The following SPOP variants were observed in gnomAD, a reference collection of about 807,000 sequenced individuals.
The protein encoded by SPOP is speckle-type POZ protein.
A neutral mutation model predicts 45.6 loss-of-function variants in SPOP; 11 were observed. The observed-to-expected ratio is 0.24, with a 90% CI of 0.15 to 0.40. The LOEUF (loss-of-function observed/expected upper bound fraction) is 0.40. Ranked by LOEUF, SPOP falls within the 10% of genes least tolerant of loss-of-function variation. The pLI, the probability that SPOP is intolerant of heterozygous loss-of-function variation, is 1.00. For synonymous variants in SPOP, 166 were observed against 166.3 expected (o/e 1.00, Z 0.01); for missense variants, 152 against 465.6 (o/e 0.33, Z 6.20).
At chr17:49,607,536 C>T (rs1163100654) in intron 7 of SPOP, among the ~76,000 whole-genome samples, 164 bp from the exon 8 acceptor site, 2 of 152,190 alleles carry the variant, frequency 1.3e-5, no homozygotes, top group Non-Finnish European at 2.9e-5. Context: ...ATAGCCTTTT[C>T]GTCCATCACA....
rs2072085598 is a variant in SPOP at position 49,616,325 on chromosome 17, T to C, written c.480+2656A>G. ...CCCTATGAAACAACTGTATTTATTG[T>C]ATCAGGATGAGAATGAGAAGTGCCT... On this transcript the variant is annotated intron_variant, in intron 5 of 9. Coordinates refer to ENST00000504102, the MANE Select transcript of SPOP (RefSeq NM_001007228.2). Among the ~76,000 whole-genome samples the C allele has an allele frequency of 2.0e-5, 3 of 152,268 alleles. No individual in the cohort carries two copies. The South Asian group carries it at 6.2e-4, about 32-fold the overall frequency.
chr17:49,608,001 G>A, intron 6 of SPOP, 72 bp from the exon 7 acceptor site: 3 of 1,424,694 alleles, frequency 2.1e-6, no homozygotes, highest in Non-Finnish European at 2.9e-6. Flanking sequence ...CAGTCATGAG[G>A]GAGAGATCAT....
At chr17:49,665,570 G>A (rs1433393445) in intron 1 of SPOP, among the ~76,000 whole-genome samples, 3 of 146,180 alleles carry the variant, frequency 2.1e-5, no homozygotes, top group Non-Finnish European at 3.0e-5. Context: ...AGCCGAGATC[G>A]CACCACTGTA....
intron 1 of SPOP, among the ~76,000 whole-genome samples, chr17:49,634,943 T>C (rs2072516166): frequency 6.6e-6 from 1 of 152,206 alleles, no homozygotes; most frequent in South Asian, 2.1e-4. Context: ...CATTAACTAT[T>C]ACTATCCAGC....
chr17:49,677,758 T>A (rs944935166), intron 1 of SPOP, among the ~76,000 whole-genome samples, 175 bp downstream of exon 1: 1 of 146,896 alleles, frequency 6.8e-6, no homozygotes, highest in Non-Finnish European at 1.5e-5. Flanking sequence ...GACGGCTGAT[T>A]CGGCTCTGGC....
intron 1 of SPOP, among the ~76,000 whole-genome samples, chr17:49,639,284 G>T (rs887989398): frequency 6.6e-6 from 1 of 151,930 alleles, no homozygotes; most frequent in Non-Finnish European, 1.5e-5. Context: ...GACAAAACTG[G>T]TAAGGGCTGA....
chr17:49,649,399 TGGC>T (rs1347123287), intron 1 of SPOP, among the ~76,000 whole-genome samples: 2 of 151,548 alleles, frequency 1.3e-5, no homozygotes, highest in African/African-American at 4.8e-5. Context: ...TAGCTGGGCG[TGGC>T]GGCGCATGCC....
intron 1 of SPOP, among the ~76,000 whole-genome samples, chr17:49,667,675 T>G (rs544010020): frequency 2.0e-5 from 3 of 152,306 alleles, no homozygotes; most frequent in Admixed American, 1.3e-4. Flanking sequence ...GTTCAGCCAC[T>G]ATGGAAAACA....
chr17:49,605,989 C>CA (rs564333269), intron 8 of SPOP, among the ~76,000 whole-genome samples: 2,453 of 136,036 alleles, frequency 0.018, 48 homozygotes, highest in East Asian at 0.1. Flanking sequence ...ACTCCCTTCT[C>CA]AAAAAAAAAA....
intron 1 of SPOP, among the ~76,000 whole-genome samples, chr17:49,674,683 T>C (rs2073178140): frequency 6.6e-6 from 1 of 152,210 alleles, no homozygotes; most frequent in Non-Finnish European, 1.5e-5. Flanking sequence ...GGATAAACAA[T>C]TTAAAGTCAG....
At chr17:49,609,227 AC>A (rs2071916417) in intron 6 of SPOP, among the ~76,000 whole-genome samples, 1 of 152,158 alleles carries the variant, frequency 6.6e-6, no homozygotes, top group South Asian at 2.1e-4. Context: ...CCATTTTCTA[AC>A]CACATATTCT....
chr17:49,616,245 C>CTT (rs1445917124), intron 5 of SPOP, among the ~76,000 whole-genome samples: 1 of 152,144 alleles, frequency 6.6e-6, no homozygotes, highest in African/African-American at 2.4e-5. Context: ...TAAAAGGGTG[C>CTT]TTCTCGGTCT....
chr17:49,670,289 G>C (rs1049771447), intron 1 of SPOP, among the ~76,000 whole-genome samples: 7 of 152,192 alleles, frequency 4.6e-5, no homozygotes, highest in African/African-American at 1.7e-4. Context: ...GCAGCTACTA[G>C]GTCTTATTGG....
chr17:49,674,452 C>T (rs926043169), intron 1 of SPOP, among the ~76,000 whole-genome samples: 2 of 152,106 alleles, frequency 1.3e-5, no homozygotes, highest in African/African-American at 4.8e-5. Context: ...TACATGTGTC[C>T]AGAAAGTTAT....
intron 1 of SPOP, among the ~76,000 whole-genome samples, chr17:49,647,313 TAAAAAAAAA>T (rs1156781114): frequency 1.6e-4 from 7 of 43,156 alleles, no homozygotes; most frequent in African/African-American, 5.1e-4. Flanking sequence ...GATGCCGTCT[TAAAAAAAAA>T]AAAAAAAAAA....
In SPOP at chr17:49,622,213, T is replaced by A; in HGVS notation, c.79-146A>T. The A allele has an allele frequency of 3.0e-6, 3 of 1,002,600 alleles. No individual in the cohort carries two copies. In the East Asian group the frequency reaches 8.1e-5, roughly 27 times the overall value. The allele number at this position is 1,002,600 out of a possible 1,614,324, so 62.1% of individuals were successfully genotyped here. ...TTTTCAGGTTTTTCTCACCTTATGT[T>A]CCTCATCCACATTTTAAGAAATCTC... On this transcript the variant is annotated intron_variant, in intron 2 of 9. Coordinates refer to ENST00000504102, the MANE Select transcript of SPOP (RefSeq NM_001007228.2).
chr17:49,626,143 C>T (rs2072326594), intron 1 of SPOP, among the ~76,000 whole-genome samples: 1 of 152,126 alleles, frequency 6.6e-6, no homozygotes. Context: ...TATAACTGAT[C>T]ATGTTGCCCT....
At chr17:49,660,051 T>TTTTTTTTTTTTTTTTTTTTTTTTTTGAG (rs1405804154) in intron 1 of SPOP, among the ~76,000 whole-genome samples, 1 of 152,240 alleles carries the variant, frequency 6.6e-6, no homozygotes, top group African/African-American at 2.4e-5. Flanking sequence ...CAGAGATTCT[T>TTTTTTTTTTTTTTTTTTTTTTTTTTGAG]ACTTAAGTGG....
At chr17:49,667,223 G>A (rs2073073101) in intron 1 of SPOP, among the ~76,000 whole-genome samples, 1 of 148,806 alleles carries the variant, frequency 6.7e-6, no homozygotes, top group African/African-American at 2.5e-5. Context: ...CATTAGGATG[G>A]CTACTATTAC....
Sources: allele counts gnomAD v4.1 joint callset (sites outside exome capture counted in the v4.1 genomes callset), GRCh38; gene constraint gnomAD v4.1.1; transcripts MANE v1.5; gene names NCBI Gene and HGNC (gene_info 2026-07-23, HGNC 2026-07-21).